Variants in SLIT2 observed in about 807,000 individuals in gnomAD.
SLIT2 encodes the protein slit homolog 2 protein.
In SLIT2, 41 loss-of-function variants were observed where a neutral mutation model predicts 185.7. The ratio of observed to expected loss-of-function variants is 0.22; its 90% CI spans 0.17 to 0.29. The LOEUF (loss-of-function observed/expected upper bound fraction) is 0.29, where lower values mean the gene tolerates loss of function less well. Among genes scored for constraint, SLIT2 ranks in the 10% least tolerant of loss-of-function variants. The pLI, the probability that SLIT2 is intolerant of heterozygous loss-of-function variation, is 1.00. For missense variants in SLIT2, 1,571 were observed against 1,909.0 expected (o/e 0.82, Z 3.30); for synonymous variants, 693 against 680.2 (o/e 1.02, Z -0.29).
At chr4:20,459,954 C>T (rs957109332) in intron 4 of SLIT2, among the ~76,000 whole-genome samples, 1 of 151,620 alleles carries the variant, frequency 6.6e-6, no homozygotes, top group African/African-American at 2.4e-5. Context: ...ACCTCTGCCT[C>T]CCAGTTTCAA....
At chr4:20,400,929 C>T (rs920531421) in intron 4 of SLIT2, among the ~76,000 whole-genome samples, 1 of 151,778 alleles carries the variant, frequency 6.6e-6, no homozygotes, top group Non-Finnish European at 1.5e-5. Flanking sequence ...TATAACTGAA[C>T]TCTGAGATTT....
At chr4:20,409,215 T>C (rs1339889103) in intron 4 of SLIT2, among the ~76,000 whole-genome samples, 1 of 152,152 alleles carries the variant, frequency 6.6e-6, no homozygotes, top group African/African-American at 2.4e-5. Flanking sequence ...GATGCTCTCC[T>C]TCCTCTCACT....
intron 4 of SLIT2, among the ~76,000 whole-genome samples, chr4:20,405,754 C>A (rs1259271504): frequency 1.3e-5 from 2 of 151,816 alleles, no homozygotes; most frequent in Non-Finnish European, 2.9e-5. Context: ...AAAAAATCTC[C>A]ATTTGGGTTC....
intron 4 of SLIT2, among the ~76,000 whole-genome samples, chr4:20,318,267 C>A (rs983509003): frequency 1.2e-4 from 18 of 152,288 alleles, no homozygotes; most frequent in African/African-American, 4.3e-4. Flanking sequence ...CCCTTCTCTG[C>A]TAATGATAAT....
chr4:20,472,317 T>TATATATCTATATATCTATATATATAG (rs1715254972), intron 5 of SLIT2, among the ~76,000 whole-genome samples: 3 of 32,046 alleles, frequency 9.4e-5, no homozygotes, highest in African/African-American at 1.8e-4. Flanking sequence ...TATATATAGA[T>TATATATCTATATATCTATATATATAG]ATATATATCT....
In SLIT2 at chr4:20,542,436, C is replaced by A. The variant is rs1722877728; in HGVS notation, c.2144-58C>A. The A allele has an allele frequency of 1.1e-5, 17 of 1,575,764 alleles. No individual in the cohort carries two copies. The South Asian group carries it at 1.9e-4, about 18-fold the overall frequency. The stretch of plus-strand genomic sequence containing the variant: ...AAGTTAATTTAAAGGCATAAAATCC[C>A]TTCTAGCACCTTCAAGACCACAAAT... On this transcript the variant is annotated intron_variant, in intron 20 of 36. Coordinates refer to ENST00000504154, the MANE Select transcript of SLIT2 (RefSeq NM_004787.4).
chr4:20,416,823 C>T (rs1727727821), intron 4 of SLIT2, among the ~76,000 whole-genome samples: 1 of 152,190 alleles, frequency 6.6e-6, no homozygotes, highest in Non-Finnish European at 1.5e-5. Flanking sequence ...TCATTCAATT[C>T]ACATTAGCCT....
chr4:20,309,965 G>A (rs565693501), intron 4 of SLIT2, among the ~76,000 whole-genome samples: 2 of 152,072 alleles, frequency 1.3e-5, no homozygotes, highest in East Asian at 3.9e-4. Context: ...GCTTCACCAT[G>A]TTAGCCAGGA....
intron 4 of SLIT2, among the ~76,000 whole-genome samples, chr4:20,420,389 A>C (rs1424740678): frequency 6.6e-6 from 1 of 152,196 alleles, no homozygotes; most frequent in Non-Finnish European, 1.5e-5. Context: ...CTATTAATTC[A>C]TTCAACAAAT....
Position 20,254,888 on chromosome 4 carries a change from C to G in SLIT2, c.179+894C>G, listed in dbSNP as rs1711614067. ...TCCCCTGCCTTCCCCTCTTCGCGCT[C>G]CGTTGCTCGCAGACGTCCCCGCCTC... On this transcript the variant is annotated intron_variant, in intron 1 of 36. Coordinates refer to ENST00000504154, the MANE Select transcript of SLIT2 (RefSeq NM_004787.4). This position sits in a 1 kb window ranked among gnomAD's most constrained non-coding sequence, Gnocchi z 5.1. 3 of 455,894 alleles carry G rather than the reference C, an allele frequency of 6.6e-6. No homozygotes were observed. The highest frequency in any genetic ancestry group is 3.1e-5 in the South Asian group (2 of 64,548). The allele number at this position is 455,894 out of a possible 1,614,324, so 28.2% of individuals were successfully genotyped here.
chr4:20,258,020 A>G (rs1417401028), intron 3 of SLIT2, 81 bp downstream of exon 3: 3 of 729,632 alleles, frequency 4.1e-6, no homozygotes, highest in Admixed American at 2.3e-5. Context: ...CATGTCTTCA[A>G]TTTCATGTCT....
chr4:20,486,073 C>G (rs549601383), intron 6 of SLIT2, 127 bp from the exon 7 acceptor site: 14 of 659,138 alleles, frequency 2.1e-5, no homozygotes, highest in South Asian at 2.1e-4. Flanking sequence ...AGTGCATTCT[C>G]TATGTCATCT....
intron 4 of SLIT2, among the ~76,000 whole-genome samples, chr4:20,461,493 G>A (rs916059718): frequency 6.6e-6 from 1 of 152,176 alleles, no homozygotes; most frequent in Non-Finnish European, 1.5e-5. Flanking sequence ...AATGAGGCAA[G>A]ATATCTGTAG....
chr4:20,332,368 A>G (rs1720138622), intron 4 of SLIT2, among the ~76,000 whole-genome samples: 1 of 152,154 alleles, frequency 6.6e-6, no homozygotes, highest in African/African-American at 2.4e-5. Context: ...TTGATTTCCA[A>G]ACCTGCCCTG....
intron 26 of SLIT2, among the ~76,000 whole-genome samples, chr4:20,563,604 C>A (rs1472607117): frequency 6.6e-6 from 1 of 151,768 alleles, no homozygotes; most frequent in Non-Finnish European, 1.5e-5. Flanking sequence ...CTAATAGTCC[C>A]TGTAGTTTCC....
Position 20,541,526 on chromosome 4 carries a change from A to C in SLIT2, c.2050A>C (p.Ile684Leu), listed in dbSNP as rs553582588. Reference sequence around the variant, plus strand: ...GGGAGAGTGGCTGAGAAAGAAGAGAATTGTCACGGGAAATCCTAGATGTCA... The same window carrying C: ...GGGAGAGTGGCTGAGAAAGAAGAGACTTGTCACGGGAAATCCTAGATGTCA... ...WLGEWLRKKRIVTGNPRCQKP... is the reference protein window; with the variant it reads ...WLGEWLRKKRLVTGNPRCQKP... Residue 684 changes from isoleucine (I) to leucine (L), a missense_variant, in exon 20 of 37, where the codon ATT becomes CTT. Ile to Leu is a conservative substitution (Grantham distance 5, BLOSUM62 2). This residue lies in a region of SLIT2 where 1,202 missense variants were observed against 1,416.4 expected (regional missense o/e 0.85). Coordinates refer to ENST00000504154, the MANE Select transcript of SLIT2 (RefSeq NM_004787.4). The C allele has an allele frequency of 6.2e-7, 1 of 1,614,036 alleles. No individual in the cohort carries two copies. Among genetic ancestry groups the C allele is most frequent in the East Asian group, 2.2e-5 (1 of 44,860 alleles).
chr4:20,599,099 C>A (rs1728213723), intron 33 of SLIT2, among the ~76,000 whole-genome samples: 2 of 152,184 alleles, frequency 1.3e-5, no homozygotes, highest in Non-Finnish European at 2.9e-5. Context: ...AACAAAGCCC[C>A]TGCTCATTTG....
intron 4 of SLIT2, among the ~76,000 whole-genome samples, chr4:20,412,303 G>C (rs1300650721): frequency 6.6e-6 from 1 of 151,808 alleles, no homozygotes; most frequent in East Asian, 1.9e-4. Context: ...CAGTAGGTTT[G>C]ATGTATAGCT....
At position 20,254,068 on chromosome 4, in the gene SLIT2, C is replaced by G; in HGVS notation, c.179+74C>G. Reference sequence around the variant, plus strand: ...CCCTGCCTCCACTGGAGGAACCTGTCAGCTCAGGGTCCTGTGCCTGGGGCA... The same window carrying G: ...CCCTGCCTCCACTGGAGGAACCTGTGAGCTCAGGGTCCTGTGCCTGGGGCA... On this transcript the variant is annotated intron_variant, in intron 1 of 36. Coordinates refer to ENST00000504154, the MANE Select transcript of SLIT2 (RefSeq NM_004787.4). The surrounding 1 kb of genome is among the most constrained non-coding windows in gnomAD (Gnocchi z 5.1). 1 of 1,451,766 alleles carries G rather than the reference C, an allele frequency of 6.9e-7. No homozygotes were observed. The highest frequency in any genetic ancestry group is 1.2e-5 in the South Asian group (1 of 81,942). 89.9% of individuals were successfully genotyped at this position (1,451,766 alleles called of 1,614,324 possible).
Sources: allele counts gnomAD v4.1 joint callset (sites outside exome capture counted in the v4.1 genomes callset), GRCh38; gene constraint gnomAD v4.1.1; regional missense constraint gnomAD v4.1.1; non-coding constraint Gnocchi (gnomAD v3.1); transcripts MANE v1.5; gene names NCBI Gene and HGNC (gene_info 2026-07-23, HGNC 2026-07-21).